The following CAMTA1 variants were observed in gnomAD, a reference collection of about 807,000 sequenced individuals.
CAMTA1 encodes calmodulin binding transcription activator 1.
In CAMTA1, 27 loss-of-function variants were observed where a neutral mutation model predicts 170.9. The ratio of observed to expected loss-of-function variants is 0.16; its 90% CI spans 0.12 to 0.22. CAMTA1 has a LOEUF of 0.22. Ranked by LOEUF, CAMTA1 falls within the 10% of genes least tolerant of loss-of-function variation. The pLI, the probability that CAMTA1 is intolerant of heterozygous loss-of-function variation, is 1.00. For synonymous variants in CAMTA1, 833 were observed against 891.5 expected (o/e 0.93, Z 1.17); for missense variants, 1,619 against 2,217.2 (o/e 0.73, Z 5.42).
At chr1:7,583,549 G>A (rs371122499) in intron 6 of CAMTA1, among the ~76,000 whole-genome samples, 1 of 152,138 alleles carries the variant, frequency 6.6e-6, no homozygotes, top group African/African-American at 2.4e-5. Flanking sequence ...TGCATGGAAC[G>A]AGGTGTGGGG....
intron 6 of CAMTA1, among the ~76,000 whole-genome samples, chr1:7,521,943 T>C (rs930281513): frequency 6.6e-6 from 1 of 152,204 alleles, no homozygotes; most frequent in African/African-American, 2.4e-5. Context: ...GTCCGGATGT[T>C]TCCATTTTTT....
chr1:7,341,117 G>A (rs545420691), intron 5 of CAMTA1, among the ~76,000 whole-genome samples: 2 of 152,332 alleles, frequency 1.3e-5, no homozygotes, highest in African/African-American at 4.8e-5. Flanking sequence ...GGTCTCCGAG[G>A]TGGAACATTT....
At chr1:7,374,176 C>G (rs922320570) in intron 5 of CAMTA1, among the ~76,000 whole-genome samples, 3 of 152,238 alleles carry the variant, frequency 2.0e-5, no homozygotes, top group African/African-American at 7.2e-5. Context: ...TCAGCACAGA[C>G]AGTGCGCCTG....
chr1:7,758,883 C>T (rs189235594), intron 22 of CAMTA1, among the ~76,000 whole-genome samples: 2 of 144,812 alleles, frequency 1.4e-5, no homozygotes, highest in African/African-American at 2.6e-5. Flanking sequence ...TGCAGTGAGC[C>T]GAGATAGCGC....
rs567046301 is a variant in CAMTA1, at chr1:7,732,569, C to T, written c.3036C>T (p.Ser1012=). The T allele has an allele frequency of 1.8e-4, 289 of 1,611,056 alleles. No individual in the cohort carries two copies. Among genetic ancestry groups the T allele is most frequent in the South Asian group, 1.1e-3 (98 of 90,706 alleles). ...ASGGGSSGGG[S]GSGNGGSQAQ... Reference sequence around the variant, plus strand: ...GAGGCGGCAGCAGTGGAGGCGGCAGCGGGAGCGGGAATGGAGGGAGCCAGG... The same window carrying T: ...GAGGCGGCAGCAGTGGAGGCGGCAGTGGGAGCGGGAATGGAGGGAGCCAGG... The change falls in exon 12 of 23, where the codon AGC becomes AGT. Residue 1012 remains serine (S), a synonymous_variant. Transcript: ENST00000303635. This position sits in a 1 kb window ranked among gnomAD's most constrained non-coding sequence, Gnocchi z 4.1.
In CAMTA1 at chr1:7,290,204, C is replaced by A. The variant is rs546790766; in HGVS notation, c.438+40578C>A. The stretch of plus-strand genomic sequence containing the variant: ...TATCAAGTCCATCGTGTGGACATGG[C>A]CTGGCAGAGGGAAGGGATGGGGTGA... On this transcript the variant is annotated intron_variant, in intron 5 of 22. Coordinates refer to ENST00000303635, the MANE Select transcript of CAMTA1 (RefSeq NM_015215.4). 3.6e-3 allele frequency among the ~76,000 whole-genome samples: 547 copies of A among 152,282 alleles called. 2 individuals are homozygous for A. Among genetic ancestry groups the A allele is most frequent in the Admixed American group, 5.2e-3 (80 of 15,292 alleles).
chr1:7,002,954 A>G lies in CAMTA1; in HGVS notation c.235-88350A>G, dbSNP rs527982227. ...CAGAGGACAGCGCAAAGAAGCCATGAGGACTCCTTGAAGGAACATGGTAAA... is the reference window on the plus strand; with the variant it reads ...CAGAGGACAGCGCAAAGAAGCCATGGGGACTCCTTGAAGGAACATGGTAAA... On this transcript the variant is annotated intron_variant, in intron 3 of 22. Transcript: ENST00000303635. 1.2e-4 allele frequency among the ~76,000 whole-genome samples: 18 copies of G among 152,342 alleles called. 1 individual carries two copies. The highest frequency in any genetic ancestry group is 2.6e-4 in the Non-Finnish European group (18 of 68,036).
rs768352600 is a variant in CAMTA1 at position 7,570,804 on chromosome 1, G to A, written c.511-69596G>A. Reference sequence around the variant, plus strand: ...AGAGGGAAAATCAGTGTTATCATGCGAGGATGGGGATAGGGTACGGAGACT... The same window carrying A: ...AGAGGGAAAATCAGTGTTATCATGCAAGGATGGGGATAGGGTACGGAGACT... On this transcript the variant is annotated intron_variant, in intron 6 of 22. Coordinates refer to ENST00000303635, the MANE Select transcript of CAMTA1 (RefSeq NM_015215.4). This position sits in a 1 kb window ranked among gnomAD's most constrained non-coding sequence, Gnocchi z 4.3. Among the ~76,000 whole-genome samples, 4 of 152,188 alleles carry A rather than the reference G, an allele frequency of 2.6e-5. No individual in the cohort carries two copies. Among genetic ancestry groups the A allele is most frequent in the Non-Finnish European group, 1.5e-5 (1 of 68,032 alleles).
chr1:7,130,972 TG>T (rs1645215209), intron 4 of CAMTA1, among the ~76,000 whole-genome samples: 1 of 151,996 alleles, frequency 6.6e-6, no homozygotes. Context: ...TTTTTTTTTT[TG>T]AGACGGATTC....
chr1:7,075,916 G>A (rs1639239240), intron 3 of CAMTA1, among the ~76,000 whole-genome samples: 1 of 152,104 alleles, frequency 6.6e-6, no homozygotes, highest in Non-Finnish European at 1.5e-5. Context: ...ACACACCTCG[G>A]CCTCCCAAAG....
intron 6 of CAMTA1, among the ~76,000 whole-genome samples, chr1:7,499,992 AGTGT>A (rs1185652510): frequency 7.3e-6 from 1 of 136,192 alleles, no homozygotes; most frequent in Non-Finnish European, 1.5e-5. Context: ...TAGGTATATG[AGTGT>A]GTGTGTGCAT....
intron 4 of CAMTA1, among the ~76,000 whole-genome samples, chr1:7,244,982 A>C (rs1305360991): frequency 6.6e-6 from 1 of 151,932 alleles, no homozygotes; most frequent in Non-Finnish European, 1.5e-5. Flanking sequence ...CTACCTAACC[A>C]AGACATGTTT....
chr1:7,509,569 AG>A (rs1313901836), intron 6 of CAMTA1, among the ~76,000 whole-genome samples: 1 of 152,200 alleles, frequency 6.6e-6, no homozygotes, highest in Admixed American at 6.5e-5. Context: ...TTTATAAATT[AG>A]GGCTGTATTC....
Position 7,680,148 on chromosome 1 carries a change from C to A in CAMTA1, c.2914+2415C>A. ...AGTCGGGAGCGCGGGGGTCCCGGGC[C>A]TCTGGCCAGCCACGGGGCCTGGCCA... On this transcript the variant is annotated intron_variant, in intron 11 of 22. Coordinates refer to ENST00000303635, the MANE Select transcript of CAMTA1 (RefSeq NM_015215.4). This position sits in a 1 kb window ranked among gnomAD's most constrained non-coding sequence, Gnocchi z 4.4. The A allele has an allele frequency of 1.0e-5, 2 of 197,412 alleles. No homozygotes were observed. The highest frequency in any genetic ancestry group is 2.4e-5 in the African/African-American group (1 of 41,910). 12.2% of individuals were successfully genotyped at this position (197,412 alleles called of 1,614,324 possible).
intron 5 of CAMTA1, among the ~76,000 whole-genome samples, chr1:7,290,112 G>T (rs1672908219): frequency 6.6e-6 from 1 of 152,206 alleles, no homozygotes; most frequent in Admixed American, 6.5e-5. Context: ...AACATGTGAG[G>T]TGCATTGGAA....
intron 6 of CAMTA1, among the ~76,000 whole-genome samples, chr1:7,481,097 C>G (rs1426871613): frequency 1.3e-5 from 2 of 152,172 alleles, no homozygotes; most frequent in Non-Finnish European, 1.5e-5. Flanking sequence ...TTCTCTCCCT[C>G]TCTTCTGCTT....
At chr1:7,448,252 C>T (rs2092728296) in intron 5 of CAMTA1, among the ~76,000 whole-genome samples, 1 of 152,192 alleles carries the variant, frequency 6.6e-6, no homozygotes, top group South Asian at 2.1e-4. Context: ...GGGCTCTCCC[C>T]TCCAGAATTC....
intron 4 of CAMTA1, among the ~76,000 whole-genome samples, chr1:7,133,623 G>A (rs991189913): frequency 6.6e-6 from 1 of 152,190 alleles, no homozygotes; most frequent in African/African-American, 2.4e-5. Flanking sequence ...GAAAAGTTGT[G>A]TAAGGTGGGA....
chr1:6,899,820 AGT>A (rs1307329793), intron 3 of CAMTA1, among the ~76,000 whole-genome samples: 3 of 152,238 alleles, frequency 2.0e-5, no homozygotes, highest in Non-Finnish European at 4.4e-5. Flanking sequence ...GCCCTTGTCA[AGT>A]CCTTCATCGG....
Sources: allele counts gnomAD v4.1 joint callset (sites outside exome capture counted in the v4.1 genomes callset), GRCh38; gene constraint gnomAD v4.1.1; non-coding constraint Gnocchi (gnomAD v3.1); transcripts MANE v1.5; gene names NCBI Gene and HGNC (gene_info 2026-07-23, HGNC 2026-07-21).